The following CSMD1 variants were observed in gnomAD, a reference collection of about 807,000 sequenced individuals.
The protein encoded by CSMD1 is CUB and Sushi multiple domains 1, also known as CUB and sushi domain-containing protein 1.
CSMD1 carries 213 observed loss-of-function variants against 417.5 expected under a neutral mutation model. The observed-to-expected ratio is 0.51, with a 90% confidence interval of 0.46 to 0.57. CSMD1 has a LOEUF of 0.57. Among genes scored for constraint, CSMD1 ranks in the 20% least tolerant of loss-of-function variants. The pLI, the probability that CSMD1 is intolerant of heterozygous loss-of-function variation, is 0.00. For missense variants in CSMD1, 6,923 were observed against 4,529.7 expected (o/e 1.53, Z -15.17); for synonymous variants, 2,862 against 1,736.8 (o/e 1.65, Z -16.11).
chr8:4,818,305 A>T (rs973675237), intron 1 of CSMD1, among the ~76,000 whole-genome samples: 7 of 152,188 alleles, frequency 4.6e-5, no homozygotes, highest in South Asian at 2.1e-4. Context: ...GATGAAATTG[A>T]CCAAAGCTAG....
At chr8:4,423,336 A>G (rs1797358111) in intron 2 of CSMD1, among the ~76,000 whole-genome samples, 1 of 152,116 alleles carries the variant, frequency 6.6e-6, no homozygotes, top group Admixed American at 6.6e-5. Flanking sequence ...GAAAATTTGT[A>G]GAGCTAATAC....
chr8:3,931,081 C>T (rs755981687), intron 5 of CSMD1, among the ~76,000 whole-genome samples: 3 of 150,562 alleles, frequency 2.0e-5, no homozygotes, highest in Admixed American at 6.6e-5. Flanking sequence ...AAAAATGTGA[C>T]ATCTTTCTTT....
At chr8:4,008,288 A>G (rs892509559) in intron 4 of CSMD1, among the ~76,000 whole-genome samples, 1 of 152,138 alleles carries the variant, frequency 6.6e-6, no homozygotes, top group African/African-American at 2.4e-5. Flanking sequence ...AATTATTAAA[A>G]CAAATATAGT....
chr8:3,741,906 G>A (rs1311853884), intron 6 of CSMD1, among the ~76,000 whole-genome samples: 2 of 151,752 alleles, frequency 1.3e-5, no homozygotes, highest in Non-Finnish European at 2.9e-5. Context: ...GTCATATTCT[G>A]GCCCAAACCT....
chr8:3,112,339 T>C (rs1215753414), intron 42 of CSMD1, among the ~76,000 whole-genome samples: 1 of 152,148 alleles, frequency 6.6e-6, no homozygotes, highest in African/African-American at 2.4e-5. Context: ...CATTTCTGCT[T>C]TTCTAGTTGA....
chr8:4,350,975 T>A (rs569849462), intron 3 of CSMD1, among the ~76,000 whole-genome samples: 1 of 152,270 alleles, frequency 6.6e-6, no homozygotes, highest in South Asian at 2.1e-4. Context: ...AAGCTTCTTT[T>A]AATAATTTTG....
At chr8:3,520,423 AG>A (rs1276918787) in intron 10 of CSMD1, among the ~76,000 whole-genome samples, 1 of 152,208 alleles carries the variant, frequency 6.6e-6, no homozygotes, top group African/African-American at 2.4e-5. Context: ...CAGCTAAAAA[AG>A]CATATCTTAA....
intron 68 of CSMD1, among the ~76,000 whole-genome samples, chr8:2,944,694 A>G (rs1802099319): frequency 6.8e-6 from 1 of 147,014 alleles, no homozygotes; most frequent in African/African-American, 2.6e-5. Flanking sequence ...TTGCAAAATT[A>G]AAAAAAAAAG....
At position 4,435,038 on chromosome 8, in the gene CSMD1, G is replaced by C. The variant is rs371638055; in HGVS notation, c.303-14973C>G. Among the ~76,000 whole-genome samples the C allele has an allele frequency of 7.7e-4, 117 of 152,148 alleles. 1 individual carries two copies. Among genetic ancestry groups the C allele is most frequent in the African/African-American group, 2.7e-3 (111 of 41,478 alleles). On this transcript the variant is annotated intron_variant, in intron 2 of 69. Coordinates refer to ENST00000635120, the MANE Select transcript of CSMD1 (RefSeq NM_033225.6). ...AGACATTTAAGAAGCCAATACTGTT[G>C]AATGTCTAATATAGTTTGTGTGTAA...
At chr8:3,662,837 G>A (rs186770268) in intron 7 of CSMD1, among the ~76,000 whole-genome samples, 5 of 152,110 alleles carry the variant, frequency 3.3e-5, no homozygotes, top group East Asian at 1.9e-4. Context: ...AGGGCCTGTC[G>A]GTGGGTAGGG....
chr8:4,537,993 C>G (rs1394257237), intron 2 of CSMD1, among the ~76,000 whole-genome samples: 1 of 152,194 alleles, frequency 6.6e-6, no homozygotes, highest in Non-Finnish European at 1.5e-5. Context: ...AGACACCATG[C>G]TCTGCGTCAT....
At chr8:3,141,276 A>C (rs1164354508) in intron 41 of CSMD1, among the ~76,000 whole-genome samples, 1 of 152,186 alleles carries the variant, frequency 6.6e-6, no homozygotes, top group Non-Finnish European at 1.5e-5. Context: ...ATTATACCTG[A>C]GGAAATTATG....
chr8:4,364,052 A>G (rs1801930552), intron 3 of CSMD1, among the ~76,000 whole-genome samples: 1 of 152,214 alleles, frequency 6.6e-6, no homozygotes, highest in Non-Finnish European at 1.5e-5. Flanking sequence ...CTATAATTGA[A>G]TTGTCTGTAA....
intron 3 of CSMD1, among the ~76,000 whole-genome samples, chr8:4,352,178 C>G (rs78831389): frequency 0.012 from 1,820 of 152,240 alleles, 37 homozygotes; most frequent in African/African-American, 0.042. Flanking sequence ...CACTTAGGTT[C>G]TCATTGCCTG....
intron 1 of CSMD1, among the ~76,000 whole-genome samples, chr8:4,850,802 C>T (rs755212603): frequency 2.2e-4 from 34 of 152,054 alleles, no homozygotes; most frequent in Non-Finnish European, 4.7e-4. Context: ...TTTACCCAAA[C>T]TGCCCTCAAA....
At chr8:4,690,338 C>T (rs1806685888) in intron 1 of CSMD1, among the ~76,000 whole-genome samples, 1 of 152,152 alleles carries the variant, frequency 6.6e-6, no homozygotes. Context: ...AAAATTAAAA[C>T]AGCTACTTCC....
rs530886989 is a variant in CSMD1, at chr8:3,854,624, T to C, written c.819-100582A>G. 2.2e-3 allele frequency among the ~76,000 whole-genome samples: 342 copies of C among 152,062 alleles called. 1 individual carries two copies. Among genetic ancestry groups the C allele is most frequent in the Middle Eastern group, 3.4e-3 (1 of 294 alleles). ...GAGATTCCTAAATCTGGTAGCTCCA[T>C]TGTCAGGCCTTATGATATAGAATCT... On this transcript the variant is annotated intron_variant, in intron 5 of 69. Transcript: ENST00000635120.
intron 3 of CSMD1, among the ~76,000 whole-genome samples, chr8:4,136,547 A>C (rs1803446974): frequency 6.6e-6 from 1 of 152,210 alleles, no homozygotes; most frequent in African/African-American, 2.4e-5. Flanking sequence ...CTCTCAGCAA[A>C]AGATGCAAAA....
chr8:4,327,639 CAAA>C (rs965588177), intron 3 of CSMD1, among the ~76,000 whole-genome samples: 56 of 152,038 alleles, frequency 3.7e-4, no homozygotes, highest in African/African-American at 1.2e-3. Context: ...ACAACAACAA[CAAA>C]AAACAACAAA....
Sources: gnomAD v4.1 joint callset for allele counts (sites outside exome capture counted in the v4.1 genomes callset) on GRCh38, gnomAD v4.1.1 for gene constraint, MANE v1.5 for transcripts, NCBI Gene and HGNC (gene_info 2026-07-23, HGNC 2026-07-21) for gene names.